Variants in CNTRL observed in about 807,000 individuals in gnomAD.
The protein encoded by CNTRL is 110 kDa centrosomal protein.
Under a neutral mutation model 303.7 loss-of-function variants are expected in CNTRL, and 233 were observed. The observed-to-expected ratio is 0.77, with a 90% CI of 0.69 to 0.86. CNTRL has a LOEUF of 0.86. CNTRL is among the 40% of genes least tolerant of loss of function. The pLI is 0.00. For synonymous variants in CNTRL, 900 were observed against 922.2 expected, an observed-to-expected ratio of 0.98 and a Z score of 0.44; for missense variants, 2,524 against 2,650.6, an observed-to-expected ratio of 0.95 and a Z score of 1.05.
intron 22 of CNTRL, 99 bp from the exon 23 acceptor site, chr9:121,146,009 A>G: frequency 1.9e-6 from 2 of 1,074,704 alleles, no homozygotes; most frequent in Non-Finnish European, 2.6e-6. Context: ...GCTTTGAGGA[A>G]CTGATAAAAT....
intron 9 of CNTRL, among the ~76,000 whole-genome samples, chr9:121,113,287 A>G (rs1167750718): frequency 2.0e-5 from 3 of 152,220 alleles, no homozygotes; most frequent in Non-Finnish European, 4.4e-5. Flanking sequence ...GGTAAGAGGA[A>G]GAATTCTTTT....
chr9:121,107,412 T>G (rs1037141978), intron 7 of CNTRL, among the ~76,000 whole-genome samples: 17 of 152,288 alleles, frequency 1.1e-4, no homozygotes, highest in African/African-American at 4.1e-4. Context: ...ATCCTAAGAG[T>G]AACAGGAAGC....
intron 34 of CNTRL, 44 bp downstream of exon 34, chr9:121,162,315 C>T: frequency 6.6e-7 from 1 of 1,515,300 alleles, no homozygotes; most frequent in South Asian, 1.1e-5. Flanking sequence ...CTTCTTCAGG[C>T]CAAAGCATTA....
At position 121,077,770 on chromosome 9, in the gene CNTRL, C is replaced by G. The variant is rs1033340050; in HGVS notation, c.-204-2536C>G. Among the ~76,000 whole-genome samples the G allele has an allele frequency of 1.6e-4, 19 of 121,654 alleles. 2 individuals carry two copies. The highest frequency in any genetic ancestry group is 6.4e-4 in the Admixed American group (7 of 10,894). 79.8% of individuals were successfully genotyped at this position (121,654 alleles called of 152,430 possible). On this transcript the variant is annotated intron_variant, in intron 1 of 43. Coordinates refer to ENST00000373855, the MANE Select transcript of CNTRL (RefSeq NM_007018.6). ...GACCAACCTGGGAACTATAGTGAGA[C>G]CCCCCATCTCTACAAAAAATAAAAA...
intron 10 of CNTRL, among the ~76,000 whole-genome samples, chr9:121,114,095 G>T (rs1178565382): frequency 6.6e-6 from 1 of 152,228 alleles, no homozygotes; most frequent in East Asian, 1.9e-4. Context: ...CTAAAGCAAT[G>T]CTTTGTATAA....
At position 121,142,153 on chromosome 9, in the gene CNTRL, T is replaced by C. The variant is rs768532689; in HGVS notation, c.2754T>C (p.Tyr918=). ...AGCAAATGGAGAATGAAATTCACTA[T>C]TTGCAAGAAAATCTAAAAAGTATGG... ...RIQQMENEIH[Y]LQENLKSMEE... is the part of the protein sequence containing the mutation. Residue 918 remains tyrosine (Y), a synonymous_variant, in exon 19 of 44, where the codon TAT becomes TAC. Transcript: ENST00000373855. The C allele has an allele frequency of 2.5e-6, 4 of 1,611,642 alleles. No individual in the cohort carries two copies. The highest frequency in any genetic ancestry group is 3.4e-6 in the Non-Finnish European group (4 of 1,178,990).
intron 23 of CNTRL, among the ~76,000 whole-genome samples, chr9:121,146,890 G>T (rs1023870972): frequency 6.6e-6 from 1 of 152,236 alleles, no homozygotes; most frequent in Non-Finnish European, 1.5e-5. Context: ...GAAACAGCTC[G>T]TATGGAAGAG....
chr9:121,078,668 T>G (rs115217923), intron 1 of CNTRL, among the ~76,000 whole-genome samples: 4,359 of 152,268 alleles, frequency 0.029, 206 homozygotes, highest in African/African-American at 0.1. Flanking sequence ...AGCCTCAGTT[T>G]TACCTGTGCT....
At chr9:121,146,349 AAAC>A (rs1286431688) in intron 23 of CNTRL, 93 bp downstream of exon 23, 9 of 1,294,320 alleles carry the variant, frequency 7.0e-6, no homozygotes, top group Non-Finnish European at 8.6e-6. Context: ...CAGGTACCAA[AAAC>A]AACATTTCTA....
chr9:121,171,534 G>A lies in CNTRL; in HGVS notation c.6403G>A (p.Glu2135Lys). Residue 2135 changes from glutamate (E) to lysine (K), a missense_variant, in exon 40 of 44, where the codon GAG becomes AAG. Transcript: ENST00000373855. ...ELNQMQYEYT[E>K]LKKQMANQKD... ...CAACCAGATGCAGTATGAGTACACG[G>A]AGCTCAAGAAACAGGTGTGTGCCCA... is the stretch of plus-strand genomic sequence containing the variant. 1.2e-6 allele frequency: 2 copies of A among 1,613,706 alleles called. No individual in the cohort carries two copies. Among genetic ancestry groups the A allele is most frequent in the South Asian group, 2.2e-5 (2 of 91,022 alleles).
chr9:121,169,712 C>T lies in CNTRL; in HGVS notation c.6172C>T (p.Leu2058=). 1 of 1,614,210 alleles carries T rather than the reference C, an allele frequency of 6.2e-7. No individual in the cohort carries two copies. Among genetic ancestry groups the T allele is most frequent in the Non-Finnish European group, 8.5e-7 (1 of 1,180,026 alleles). Residue 2058 remains leucine (L), a synonymous_variant, in exon 39 of 44, where the codon CTG becomes TTG. Transcript: ENST00000373855. ...TTCTATGAGGGCAGACTTCAGCCTT[C>T]TGCGGAACCAGTTCTTGACAGAAAG... The part of the protein sequence containing the change: ...ADSMRADFSL[L]RNQFLTERKK...
At chr9:121,177,001 ATT>A (rs1363508403) in intron 43 of CNTRL, among the ~76,000 whole-genome samples, 160 bp from the exon 44 acceptor site, 2 of 151,860 alleles carry the variant, frequency 1.3e-5, no homozygotes, top group Non-Finnish European at 2.9e-5. Flanking sequence ...TAACCGTTTA[ATT>A]TTTTCTCTCA....
At chr9:121,077,951 G>GTTTT in intron 1 of CNTRL, among the ~76,000 whole-genome samples, 1 of 151,110 alleles carries the variant, frequency 6.6e-6, no homozygotes, top group South Asian at 2.1e-4. Flanking sequence ...GCCTCAGGGG[G>GTTTT]GAAAAAAACG....
chr9:121,144,177 AT>A, intron 20 of CNTRL, 95 bp downstream of exon 20: 1 of 1,097,044 alleles, frequency 9.1e-7, no homozygotes, highest in Non-Finnish European at 1.3e-6. Flanking sequence ...GACATTGGTT[AT>A]TTTATAAACC....
chr9:121,173,205 T>C (rs962212037), intron 40 of CNTRL, 38 bp from the exon 41 acceptor site: 1 of 1,566,886 alleles, frequency 6.4e-7, no homozygotes. Context: ...AAGTCTGAAA[T>C]TTTATACAAT....
intron 14 of CNTRL, among the ~76,000 whole-genome samples, chr9:121,130,340 C>A (rs2050782124): frequency 1.3e-5 from 2 of 152,202 alleles, no homozygotes; most frequent in African/African-American, 4.8e-5. Context: ...GATTCAACTT[C>A]TTCCTGGTTT....
intron 14 of CNTRL, among the ~76,000 whole-genome samples, chr9:121,129,474 A>G (rs956308594): frequency 6.6e-6 from 1 of 152,160 alleles, no homozygotes; most frequent in African/African-American, 2.4e-5. Flanking sequence ...TGATTTTTGC[A>G]CATTGATTTT....
At chr9:121,107,134 G>T (rs1258471863) in intron 7 of CNTRL, among the ~76,000 whole-genome samples, 1 of 152,098 alleles carries the variant, frequency 6.6e-6, no homozygotes, top group Admixed American at 6.6e-5. Context: ...CTGGTGACAG[G>T]ATAGGGCCTG....
chr9:121,112,601 T>C (rs2049796094), intron 9 of CNTRL, 23 bp downstream of exon 9: 2 of 1,609,588 alleles, frequency 1.2e-6, no homozygotes, highest in South Asian at 2.2e-5. Context: ...AATTTTTTAG[T>C]AATCCAAAGT....
Sources: allele counts gnomAD v4.1 joint callset (sites outside exome capture counted in the v4.1 genomes callset), GRCh38; gene constraint gnomAD v4.1.1; transcripts MANE v1.5; gene names NCBI Gene and HGNC (gene_info 2026-07-23, HGNC 2026-07-21).